Variants in MACROD2 observed in about 807,000 individuals in gnomAD.
MACROD2 encodes the protein ADP-ribose glycohydrolase MACROD2.
In MACROD2, 36 loss-of-function variants were observed where a neutral mutation model predicts 70.4. That is an observed-to-expected ratio of 0.51 (90% CI 0.39 to 0.68). The LOEUF is 0.68. Ranked by LOEUF, MACROD2 falls within the 30% of genes least tolerant of loss-of-function variation. The probability of loss-of-function intolerance (pLI) is 0.00; values close to 1 mark genes in which losing one functional copy is unlikely to be tolerated. For synonymous variants in MACROD2, 172 were observed against 178.8 expected, an observed-to-expected ratio of 0.96 and a Z score of 0.30; for missense variants, 496 against 538.4, an observed-to-expected ratio of 0.92 and a Z score of 0.78.
intron 5 of MACROD2, among the ~76,000 whole-genome samples, chr20:14,827,246 T>C (rs2072912021): frequency 1.3e-5 from 2 of 152,144 alleles, no homozygotes; most frequent in Non-Finnish European, 2.9e-5. Context: ...AACTCTGTAT[T>C]GATATCCTTG....
chr20:14,015,208 A>G (rs1484312652), intron 2 of MACROD2, among the ~76,000 whole-genome samples: 1 of 152,178 alleles, frequency 6.6e-6, no homozygotes, highest in African/African-American at 2.4e-5. Context: ...TTAAATGTTC[A>G]GTTTAGTGAC....
At chr20:14,621,061 G>C (rs1262073259) in intron 4 of MACROD2, among the ~76,000 whole-genome samples, 2 of 152,056 alleles carry the variant, frequency 1.3e-5, no homozygotes, top group African/African-American at 2.4e-5. Context: ...CTGATTCGCT[G>C]TGTGACCTTG....
intron 8 of MACROD2, among the ~76,000 whole-genome samples, chr20:15,663,839 GC>G (rs2146822071): frequency 6.6e-6 from 1 of 152,094 alleles, no homozygotes; most frequent in South Asian, 2.1e-4. Flanking sequence ...CCCACATAAG[GC>G]CCCACTCATC....
chr20:14,943,774 T>C (rs1411555239), intron 5 of MACROD2, among the ~76,000 whole-genome samples: 4 of 152,194 alleles, frequency 2.6e-5, no homozygotes, highest in African/African-American at 9.7e-5. Context: ...TAAAGGTATC[T>C]ACCACTGAAT....
intron 15 of MACROD2, among the ~76,000 whole-genome samples, chr20:16,001,022 C>T (rs1343884228): frequency 6.6e-6 from 1 of 152,190 alleles, no homozygotes; most frequent in Non-Finnish European, 1.5e-5. Context: ...GATTTAGACT[C>T]AACCACTTCA....
intron 2 of MACROD2, among the ~76,000 whole-genome samples, chr20:14,061,389 A>T (rs984695000): frequency 3.9e-5 from 6 of 152,130 alleles, no homozygotes; most frequent in African/African-American, 7.2e-5. Flanking sequence ...ATTTCTTTTT[A>T]AAAAATGTGA....
At chr20:14,692,162 C>T (rs999341857) in intron 5 of MACROD2, among the ~76,000 whole-genome samples, 11 of 152,068 alleles carry the variant, frequency 7.2e-5, no homozygotes, top group Admixed American at 5.2e-4. Flanking sequence ...ATTCTCAGGC[C>T]CCACCCCACA....
chr20:14,949,465 C>CA (rs2074458443), intron 5 of MACROD2, among the ~76,000 whole-genome samples: 1 of 152,048 alleles, frequency 6.6e-6, no homozygotes, highest in Admixed American at 6.6e-5. Flanking sequence ...ACTTGCAGGT[C>CA]AAAAATCACA....
chr20:14,484,776 C>T lies in MACROD2; in HGVS notation c.272-8703C>T, dbSNP rs953612615. Among the ~76,000 whole-genome samples, 12 of 152,300 alleles carry T rather than the reference C, an allele frequency of 7.9e-5. 1 individual carries two copies. The highest frequency in any genetic ancestry group is 2.9e-4 in the African/African-American group (12 of 41,558). On this transcript the variant is annotated intron_variant, in intron 3 of 17. Transcript: ENST00000684519. Reference sequence around the variant, plus strand: ...TTGTTGCAAATAACAGATTCTCATTCTTTATTCTGACGGAATACTACTCCA... The same window carrying T: ...TTGTTGCAAATAACAGATTCTCATTTTTTATTCTGACGGAATACTACTCCA...
chr20:15,878,317 G>A (rs1341593245), intron 9 of MACROD2, among the ~76,000 whole-genome samples: 2 of 152,084 alleles, frequency 1.3e-5, no homozygotes, highest in Non-Finnish European at 2.9e-5. Flanking sequence ...CTTTTGAAAG[G>A]TTCTTCTTCA....
intron 5 of MACROD2, among the ~76,000 whole-genome samples, chr20:14,943,664 A>G (rs1249786140): frequency 1.3e-5 from 2 of 152,180 alleles, no homozygotes; most frequent in African/African-American, 4.8e-5. Context: ...CCATCTTCTT[A>G]TATAGTAAAC....
chr20:15,063,066 C>G (rs1301225875), intron 5 of MACROD2, among the ~76,000 whole-genome samples: 1 of 152,166 alleles, frequency 6.6e-6, no homozygotes, highest in Non-Finnish European at 1.5e-5. Context: ...TTCGAAGCAG[C>G]AAACTCATGC....
At chr20:15,569,192 C>T (rs945659709) in intron 8 of MACROD2, among the ~76,000 whole-genome samples, 1 of 152,116 alleles carries the variant, frequency 6.6e-6, no homozygotes, top group Admixed American at 6.5e-5. Flanking sequence ...TGTATGGGGG[C>T]TGTGTAGAAA....
chr20:15,254,969 G>A (rs1477314902), intron 6 of MACROD2, among the ~76,000 whole-genome samples: 1 of 134,082 alleles, frequency 7.5e-6, no homozygotes, highest in African/African-American at 2.9e-5. Flanking sequence ...TAAGAAGCTG[G>A]TAATTGAGTG....
intron 5 of MACROD2, among the ~76,000 whole-genome samples, chr20:14,767,578 A>G (rs766327549): frequency 6.6e-6 from 1 of 151,926 alleles, no homozygotes; most frequent in Non-Finnish European, 1.5e-5. Flanking sequence ...AGTCTTACTG[A>G]GCCTCAGTTT....
At chr20:14,199,309 G>C (rs1417896539) in intron 3 of MACROD2, among the ~76,000 whole-genome samples, 1 of 152,180 alleles carries the variant, frequency 6.6e-6, no homozygotes, top group Non-Finnish European at 1.5e-5. Flanking sequence ...TAGAAAACCT[G>C]GAGGGCAGCC....
At chr20:15,667,135 G>A (rs549668870) in intron 8 of MACROD2, among the ~76,000 whole-genome samples, 1 of 152,292 alleles carries the variant, frequency 6.6e-6, no homozygotes, top group South Asian at 2.1e-4. Context: ...CTGGTGGGAG[G>A]TGTTTTGGCC....
At chr20:14,860,135 ATAAAACC>A (rs2073298635) in intron 5 of MACROD2, among the ~76,000 whole-genome samples, 1 of 152,164 alleles carries the variant, frequency 6.6e-6, no homozygotes, top group South Asian at 2.1e-4. Flanking sequence ...AGACCATGTG[ATAAAACC>A]TTCAAAAAAA....
At chr20:14,861,383 G>GACGT (rs1470569780) in intron 5 of MACROD2, among the ~76,000 whole-genome samples, 1 of 152,068 alleles carries the variant, frequency 6.6e-6, no homozygotes, top group Non-Finnish European at 1.5e-5. Flanking sequence ...TAGAGATTTT[G>GACGT]ACGTAATGAC....
Sources: gnomAD v4.1 joint callset for allele counts (sites outside exome capture counted in the v4.1 genomes callset) on GRCh38, gnomAD v4.1.1 for gene constraint, MANE v1.5 for transcripts, NCBI Gene and HGNC (gene_info 2026-07-23, HGNC 2026-07-21) for gene names.